The following GGA3 variants were observed in gnomAD, a reference collection of about 807,000 sequenced individuals.
GGA3 encodes golgi associated, gamma adaptin ear containing, ARF binding protein 3.
In GGA3, 57 loss-of-function variants were observed where a neutral mutation model predicts 77.5. The observed-to-expected ratio is 0.74, with a 90% confidence interval of 0.59 to 0.92. The LOEUF (loss-of-function observed/expected upper bound fraction) is 0.92, where lower values mean the gene tolerates loss of function less well. GGA3 is among the 40% of genes least tolerant of loss of function. The probability of loss-of-function intolerance (pLI) is 0.00; values close to 1 mark genes in which losing one functional copy is unlikely to be tolerated. For synonymous variants in GGA3, 416 were observed against 383.7 expected (o/e 1.08, Z -0.98); for missense variants, 970 against 914.9 (o/e 1.06, Z -0.78).
Position 75,242,931 on chromosome 17 carries a change from G to A in GGA3, c.529-20C>T, listed in dbSNP as rs766825869. 6.2e-7 allele frequency: 1 copy of A among 1,600,724 alleles called. No homozygotes were observed. Among genetic ancestry groups the A allele is most frequent in the Non-Finnish European group, 8.6e-7 (1 of 1,167,764 alleles). On this transcript the variant is annotated intron_variant, in intron 6 of 16. Coordinates refer to ENST00000537686, the MANE Select transcript of GGA3 (RefSeq NM_138619.4). The stretch of plus-strand genomic sequence containing the variant: ...TAAAAGCTGAGAGAGGAGGAAATCA[G>A]AGGTGAAGGGAAGAGGCAGCACCCG...
rs1190060354 is a variant in GGA3, at chr17:75,246,586, TG to T, written c.126-3del. The T allele has an allele frequency of 6.2e-7, 1 of 1,613,430 alleles. No individual in the cohort carries two copies. Among genetic ancestry groups the T allele is most frequent in the South Asian group, 1.1e-5 (1 of 91,072 alleles). ...AGCAGTCGGACGGCGATCTGTGGCC[TG>T]GGGGACAAGCAGAACACACTCCAGT... On this transcript the variant is annotated splice_polypyrimidine_tract_variant and splice_region_variant and intron_variant, in intron 2 of 16. Coordinates refer to ENST00000537686, the MANE Select transcript of GGA3 (RefSeq NM_138619.4).
Position 75,239,914 on chromosome 17 carries a change from A to G in GGA3, c.1458T>C (p.Thr486=), listed in dbSNP as rs753371941. The G allele has an allele frequency of 1.9e-6, 3 of 1,611,524 alleles. No individual in the cohort carries two copies. The African/African-American group carries it at 4.0e-5, about 22-fold the overall frequency. ...TTGGGGCCAAGGCTGGGGCCACTCC[A>G]GTAGAAAACAAGGAGGAGCCCGCAC... ...APSAGSSLFS[T]GVAPALAPKV... Residue 486 remains threonine (T), a synonymous_variant, in exon 13 of 17, where the codon ACT becomes ACC. Coordinates refer to ENST00000537686, the MANE Select transcript of GGA3 (RefSeq NM_138619.4).
chr17:75,241,366 G>T, intron 10 of GGA3, 34 bp downstream of exon 10: 1 of 1,359,252 alleles, frequency 7.4e-7, no homozygotes, highest in Non-Finnish European at 1.1e-6. Flanking sequence ...GGCTGGTCTG[G>T]AGGAGCCTAG....
Position 75,238,640 on chromosome 17 carries a change from T to C in GGA3, c.2061+12A>G, listed in dbSNP as rs778573099. 6.3e-7 allele frequency: 1 copy of C among 1,595,762 alleles called. No homozygotes were observed. Among genetic ancestry groups the C allele is most frequent in the Non-Finnish European group, 8.6e-7 (1 of 1,165,882 alleles). ...GCCTCAGGCTGGGACCCCTGGGTTC[T>C]TTGCTGCTCACCTTCAGTGGATTGG... On this transcript the variant is annotated intron_variant, in intron 16 of 16. Transcript: ENST00000537686.
intron 1 of GGA3, among the ~76,000 whole-genome samples, chr17:75,256,811 G>A (rs544962086): frequency 7.9e-5 from 12 of 152,146 alleles, no homozygotes; most frequent in Admixed American, 2.6e-4. Context: ...AACATGCCCC[G>A]AGTCAGATAA....
chr17:75,261,461 C>T, intron 1 of GGA3, 87 bp downstream of exon 1: 4 of 1,113,374 alleles, frequency 3.6e-6, no homozygotes, highest in Non-Finnish European at 3.6e-6. Context: ...AGAGGCGACG[C>T]CGTGGAGCCC....
chr17:75,260,620 A>G (rs1387480669), intron 1 of GGA3, among the ~76,000 whole-genome samples: 3 of 152,228 alleles, frequency 2.0e-5, no homozygotes, highest in Non-Finnish European at 4.4e-5. Context: ...AGTACTAAAT[A>G]AGAGACCTCA....
intron 1 of GGA3, among the ~76,000 whole-genome samples, chr17:75,256,276 C>T (rs1007057362): frequency 4.6e-5 from 7 of 151,994 alleles, no homozygotes; most frequent in African/African-American, 1.5e-4. Flanking sequence ...CTATGCTCAA[C>T]TCACTCTCTA....
intron 1 of GGA3, among the ~76,000 whole-genome samples, chr17:75,253,471 T>C (rs998303369): frequency 6.6e-6 from 1 of 152,224 alleles, no homozygotes; most frequent in Admixed American, 6.5e-5. Flanking sequence ...CAGGGACGCC[T>C]GCCTTGGTCC....
chr17:75,238,821 A>G (rs1475392325), intron 15 of GGA3, 59 bp from the exon 16 acceptor site: 15 of 1,561,376 alleles, frequency 9.6e-6, no homozygotes, highest in Non-Finnish European at 1.3e-5. Flanking sequence ...TGGAACCTGC[A>G]GTGCACACAC....
At chr17:75,260,134 G>T (rs1036557643) in intron 1 of GGA3, among the ~76,000 whole-genome samples, 1 of 152,164 alleles carries the variant, frequency 6.6e-6, no homozygotes, top group African/African-American at 2.4e-5. Flanking sequence ...AGACAACAGC[G>T]CGCGAGACTC....
chr17:75,241,797 T>G (rs1053621534), intron 8 of GGA3, 101 bp from the exon 9 acceptor site: 3 of 996,352 alleles, frequency 3.0e-6, no homozygotes, highest in Non-Finnish European at 4.8e-6. Flanking sequence ...ATATGCCAAT[T>G]GCCACGGTCA....
intron 1 of GGA3, among the ~76,000 whole-genome samples, chr17:75,249,340 G>A (rs908413096): frequency 1.3e-5 from 2 of 152,154 alleles, no homozygotes; most frequent in East Asian, 1.9e-4. Flanking sequence ...ACCGCACCCC[G>A]CCTAGGTTCC....
At chr17:75,243,642 C>CGCCATTGCTGTGGAGGG in intron 4 of GGA3, 72 bp from the exon 5 acceptor site, 4 of 1,491,220 alleles carry the variant, frequency 2.7e-6, no homozygotes, top group Non-Finnish European at 3.7e-6. Flanking sequence ...GCTCCCTCCA[C>CGCCATTGCTGTGGAGGG]AGCAATGGCG....
chr17:75,261,626 G>C, upstream of GGA3: 3 of 1,508,754 alleles, frequency 2.0e-6, no homozygotes, highest in Non-Finnish European at 2.7e-6. Context: ...AAACTCGCGA[G>C]AGTCTGCACG....
rs1368763044 is a variant in GGA3 at position 75,239,020 on chromosome 17, T to G, written c.1844A>C (p.Lys615Thr). The stretch of plus-strand genomic sequence containing the variant: ...GTCAGGTCGTCCTGGGGGACACTCC[T>G]TGGCAAAGTGGAAGAGGATGCGGAA... ...NGFRILFHFA[K>T]ECPPGRPDVL... Residue 615 changes from lysine to threonine, a missense_variant, in exon 15 of 17, where the codon AAG becomes ACG. By Grantham distance (78) the Lys-to-Thr change is moderately conservative (BLOSUM62 -1). Coordinates refer to ENST00000537686, the MANE Select transcript of GGA3 (RefSeq NM_138619.4). The G allele has an allele frequency of 6.2e-6, 10 of 1,613,928 alleles. No individual in the cohort carries two copies. In the Admixed American group the frequency reaches 1.5e-4, roughly 24 times the overall value.
intron 1 of GGA3, among the ~76,000 whole-genome samples, chr17:75,250,495 GCTCACGCCCGTAAT>G (rs1264198217): frequency 6.6e-6 from 1 of 152,230 alleles, no homozygotes; most frequent in Non-Finnish European, 1.5e-5. Flanking sequence ...GGATGCGGTG[GCTCACGCCCGTAAT>G]CTCAGCACTT....
chr17:75,243,621 G>C (rs1292301203), intron 4 of GGA3, 51 bp from the exon 5 acceptor site: 2 of 1,587,860 alleles, frequency 1.3e-6, no homozygotes, highest in South Asian at 1.1e-5. Flanking sequence ...CGGAGGCAGA[G>C]AAAGTGTAAG....
In GGA3 at chr17:75,238,696, G is replaced by A; in HGVS notation, c.2017C>T (p.Pro673Ser). Residue 673 changes from proline to serine, a missense_variant, in exon 16 of 17, where the codon CCT becomes TCT. Physicochemically the swap from Pro to Ser is moderately conservative, Grantham distance 74. Coordinates refer to ENST00000537686, the MANE Select transcript of GGA3 (RefSeq NM_138619.4). ...AACATGACCTGGGTGATGGCTGCAG[G>A]TGGCTGGATGGGGCTAAATGGAGAG... ...ELSPFSPIQP[P>S]AAITQVMLLA... The A allele has an allele frequency of 6.2e-7, 1 of 1,614,096 alleles. No homozygotes were observed. The highest frequency in any genetic ancestry group is 8.5e-7 in the Non-Finnish European group (1 of 1,179,958).
Sources: allele counts gnomAD v4.1 joint callset (sites outside exome capture counted in the v4.1 genomes callset), GRCh38; gene constraint gnomAD v4.1.1; transcripts MANE v1.5; gene names NCBI Gene and HGNC (gene_info 2026-07-23, HGNC 2026-07-21).